Variants in ALK observed in about 807,000 individuals in gnomAD.
The protein encoded by ALK is ALK receptor tyrosine kinase, also known as ALK tyrosine kinase receptor.
Under a neutral mutation model 163.1 loss-of-function variants are expected in ALK, and 74 were observed. That is an observed-to-expected ratio of 0.45 (90% confidence interval 0.38 to 0.55). The LOEUF (loss-of-function observed/expected upper bound fraction) is 0.55. Ranked by LOEUF, ALK falls within the 20% of genes least tolerant of loss-of-function variation. ALK has a pLI of 0.00. For synonymous variants in ALK, 960 were observed against 843.2 expected (o/e 1.14, Z -2.40); for missense variants, 2,063 against 2,105.3 (o/e 0.98, Z 0.39).
At chr2:29,287,876 C>G (rs1665901657) in intron 9 of ALK, among the ~76,000 whole-genome samples, 1 of 152,034 alleles carries the variant, frequency 6.6e-6, no homozygotes. Context: ...AACCAGCATG[C>G]TTATTTTTAA....
intron 1 of ALK, among the ~76,000 whole-genome samples, chr2:29,916,469 C>G (rs1301438026): frequency 6.6e-6 from 1 of 152,188 alleles, no homozygotes; most frequent in African/African-American, 2.4e-5. Context: ...TGGACTAGTT[C>G]CAATTCTCCC....
At chr2:29,511,535 T>C (rs892959874) in intron 4 of ALK, among the ~76,000 whole-genome samples, 5 of 152,204 alleles carry the variant, frequency 3.3e-5, no homozygotes, top group African/African-American at 1.2e-4. Context: ...TCTTTATCTA[T>C]TCACCTGTTG....
chr2:29,655,938 TG>T (rs1677171973), intron 3 of ALK, among the ~76,000 whole-genome samples: 1 of 152,190 alleles, frequency 6.6e-6, no homozygotes, highest in Admixed American at 6.5e-5. Context: ...GAAGAGCTGC[TG>T]TGCTACTAAA....
At chr2:29,659,737 G>A (rs1677293138) in intron 3 of ALK, among the ~76,000 whole-genome samples, 1 of 152,162 alleles carries the variant, frequency 6.6e-6, no homozygotes, top group Non-Finnish European at 1.5e-5. Context: ...ACAACAGATT[G>A]TCTTATTCTG....
chr2:29,844,339 G>T (rs1490874669), intron 1 of ALK, among the ~76,000 whole-genome samples: 1 of 152,162 alleles, frequency 6.6e-6, no homozygotes, highest in Non-Finnish European at 1.5e-5. Context: ...GGCCAGTGGG[G>T]AGCAGGTGCA....
intron 3 of ALK, among the ~76,000 whole-genome samples, chr2:29,581,953 T>C (rs1436540227): frequency 1.3e-5 from 2 of 152,204 alleles, no homozygotes; most frequent in Non-Finnish European, 2.9e-5. Context: ...CAGAGTAGGC[T>C]GCAGGAGGTG....
At chr2:29,225,681 C>A (rs908097909) in intron 18 of ALK, 116 bp from the exon 19 acceptor site, 6 of 839,246 alleles carry the variant, frequency 7.1e-6, no homozygotes, top group Non-Finnish European at 1.2e-5. Context: ...CTTCCCATCG[C>A]TGGAGACCTT....
chr2:29,223,213 G>T (rs2148170218), intron 20 of ALK, 129 bp downstream of exon 20: 1 of 932,596 alleles, frequency 1.1e-6, no homozygotes, highest in Non-Finnish European at 1.7e-6. Flanking sequence ...TGTCCTCCTA[G>T]GAGGGCTAGG....
At chr2:29,663,069 T>A (rs1677399025) in intron 3 of ALK, among the ~76,000 whole-genome samples, 1 of 152,080 alleles carries the variant, frequency 6.6e-6, no homozygotes, top group African/African-American at 2.4e-5. Context: ...TGAACACACT[T>A]CCTAAACAAC....
chr2:29,454,100 G>A (rs988033753), intron 4 of ALK, among the ~76,000 whole-genome samples: 4 of 152,156 alleles, frequency 2.6e-5, no homozygotes, highest in Non-Finnish European at 5.9e-5. Context: ...GCTTGCATAT[G>A]TGAGTCTCTA....
chr2:29,792,054 T>G (rs1362437283), intron 1 of ALK, among the ~76,000 whole-genome samples: 2 of 152,216 alleles, frequency 1.3e-5, no homozygotes, highest in Non-Finnish European at 2.9e-5. Flanking sequence ...AACCAAAACA[T>G]GAATATAATT....
chr2:29,480,124 G>T (rs183903179), intron 4 of ALK, among the ~76,000 whole-genome samples: 2 of 152,246 alleles, frequency 1.3e-5, no homozygotes, highest in African/African-American at 4.8e-5. Context: ...TTGCAAAAGA[G>T]ATATACAGTG....
chr2:29,595,908 G>A (rs1675201535), intron 3 of ALK, among the ~76,000 whole-genome samples: 1 of 152,212 alleles, frequency 6.6e-6, no homozygotes, highest in Non-Finnish European at 1.5e-5. Flanking sequence ...GACACTGATA[G>A]GAATGAACTC....
chr2:29,443,685 C>G (rs10207089), intron 4 of ALK, among the ~76,000 whole-genome samples: 1,944 of 152,280 alleles, frequency 0.013, 47 homozygotes, highest in African/African-American at 0.045. Context: ...AATTAACCCA[C>G]CACTGGCTCA....
chr2:29,870,854 T>C (rs1666559374), intron 1 of ALK, among the ~76,000 whole-genome samples: 1 of 152,218 alleles, frequency 6.6e-6, no homozygotes, highest in African/African-American at 2.4e-5. Flanking sequence ...GCAAAACTGA[T>C]GAAGATTTAG....
chr2:29,743,317 G>A (rs998016189), intron 1 of ALK, among the ~76,000 whole-genome samples: 1 of 152,168 alleles, frequency 6.6e-6, no homozygotes, highest in Non-Finnish European at 1.5e-5. Context: ...TGTTCGACTT[G>A]GAAACCTGGA....
chr2:29,833,892 A>G (rs988261370), intron 1 of ALK, among the ~76,000 whole-genome samples: 3 of 152,150 alleles, frequency 2.0e-5, no homozygotes, highest in African/African-American at 4.8e-5. Flanking sequence ...GCTTAATTAC[A>G]TGATTACTCG....
At chr2:29,725,750 G>A (rs1679553949) in intron 1 of ALK, among the ~76,000 whole-genome samples, 1 of 152,096 alleles carries the variant, frequency 6.6e-6, no homozygotes, top group Non-Finnish European at 1.5e-5. Flanking sequence ...GGCAGATCAA[G>A]ACATGGACCT....
intron 28 of ALK, among the ~76,000 whole-genome samples, chr2:29,194,924 T>C (rs558310274): frequency 2.6e-5 from 4 of 152,100 alleles, no homozygotes; most frequent in Non-Finnish European, 5.9e-5. Flanking sequence ...GACTGTAACA[T>C]AGAAGAACAG....
Sources: gnomAD v4.1 joint callset for allele counts (sites outside exome capture counted in the v4.1 genomes callset) on GRCh38, gnomAD v4.1.1 for gene constraint, MANE v1.5 for transcripts, NCBI Gene and HGNC (gene_info 2026-07-23, HGNC 2026-07-21) for gene names.